The following VTI1A variants were observed in gnomAD, a reference collection of about 807,000 sequenced individuals.
VTI1A encodes vesicle transport through interaction with t-SNAREs homolog 1A.
Under a neutral mutation model 34.9 loss-of-function variants are expected in VTI1A, and 22 were observed. The observed-to-expected ratio is 0.63, with a 90% CI of 0.45 to 0.90. The LOEUF (loss-of-function observed/expected upper bound fraction) is 0.90. VTI1A is among the 40% of genes least tolerant of loss of function. VTI1A has a pLI of 0.00. For missense variants in VTI1A, 268 were observed against 275.6 expected, an observed-to-expected ratio of 0.97 and a Z score of 0.20; for synonymous variants, 87 against 97.3, an observed-to-expected ratio of 0.89 and a Z score of 0.62.
intron 7 of VTI1A, among the ~76,000 whole-genome samples, chr10:112,809,916 G>A (rs1171926459): frequency 6.6e-6 from 1 of 152,124 alleles, no homozygotes; most frequent in East Asian, 1.9e-4. Flanking sequence ...CCTCTTGGAA[G>A]AGGAGGGAAG....
At chr10:112,691,433 C>A (rs1160827993) in intron 7 of VTI1A, among the ~76,000 whole-genome samples, 1 of 152,066 alleles carries the variant, frequency 6.6e-6, no homozygotes, top group Non-Finnish European at 1.5e-5. Context: ...TTGGACAAAT[C>A]ACTTAATCTC....
chr10:112,837,180 T>G, the VTI1A span, among the ~76,000 whole-genome samples: 6 of 152,102 alleles, frequency 3.9e-5, no homozygotes, highest in African/African-American at 1.4e-4. Flanking sequence ...ATTAGCTGAG[T>G]GTGGTGTGTG....
At chr10:112,452,019 A>G (rs1847259242) in intron 1 of VTI1A, among the ~76,000 whole-genome samples, 1 of 152,252 alleles carries the variant, frequency 6.6e-6, no homozygotes, top group Non-Finnish European at 1.5e-5. Flanking sequence ...ACTTTAAAAA[A>G]TACTGCTACA....
chr10:112,846,653 C>G, the VTI1A span, among the ~76,000 whole-genome samples: 1 of 151,810 alleles, frequency 6.6e-6, no homozygotes, highest in African/African-American at 2.4e-5. Context: ...GTAGTCCCAG[C>G]TACTCAAGAG....
intron 7 of VTI1A, among the ~76,000 whole-genome samples, chr10:112,770,738 G>T (rs538050674): frequency 6.6e-6 from 1 of 151,890 alleles, no homozygotes; most frequent in Non-Finnish European, 1.5e-5. Context: ...AATTAATTCC[G>T]TAGTTAAATC....
intron 7 of VTI1A, among the ~76,000 whole-genome samples, chr10:112,792,136 G>A (rs1220088314): frequency 6.6e-6 from 1 of 152,110 alleles, no homozygotes; most frequent in African/African-American, 2.4e-5. Context: ...TTAGCTGGAT[G>A]TGGTGGTGTG....
At chr10:112,476,870 G>A (rs948335686) in intron 3 of VTI1A, among the ~76,000 whole-genome samples, 2 of 152,084 alleles carry the variant, frequency 1.3e-5, no homozygotes, top group Non-Finnish European at 2.9e-5. Context: ...TTTGTGAGAT[G>A]TGGAACAAAA....
intron 7 of VTI1A, among the ~76,000 whole-genome samples, chr10:112,768,353 C>G (rs1414980660): frequency 6.6e-6 from 1 of 152,194 alleles, no homozygotes; most frequent in African/African-American, 2.4e-5. Flanking sequence ...GCAGTTGTCT[C>G]TGGAAGAAAG....
intron 3 of VTI1A, among the ~76,000 whole-genome samples, chr10:112,521,480 G>A (rs1053551612): frequency 1.9e-4 from 29 of 151,992 alleles, no homozygotes; most frequent in African/African-American, 7.0e-4. Context: ...AACATGCTCT[G>A]GAGGTCATCA....
chr10:112,816,833 A>G lies in VTI1A; in HGVS notation c.*1450A>G, dbSNP rs763241479. 9.1e-5 allele frequency: 21 copies of G among 230,100 alleles called. No homozygotes were observed. Among genetic ancestry groups the G allele is most frequent in the Admixed American group, 2.8e-4 (5 of 17,662 alleles). The allele number at this position is 230,100 out of a possible 1,614,324, so 14.3% of individuals were successfully genotyped here. On this transcript the variant is annotated 3_prime_UTR_variant, in exon 8 of 8. Coordinates refer to ENST00000393077, the MANE Select transcript of VTI1A (RefSeq NM_145206.4). ...TGATATTTTTCCCAACTCAGAAGAA[A>G]ACCATTATGGTTTAGAGAGGAAATG... is the stretch of plus-strand genomic sequence containing the variant.
chr10:112,786,053 G>T (rs1332742800), intron 7 of VTI1A, among the ~76,000 whole-genome samples: 1 of 152,094 alleles, frequency 6.6e-6, no homozygotes, highest in Non-Finnish European at 1.5e-5. Context: ...ATTGCATTGA[G>T]TTGTCATCTT....
At chr10:112,541,780 A>C (rs754415034) in intron 5 of VTI1A, among the ~76,000 whole-genome samples, 2 of 152,230 alleles carry the variant, frequency 1.3e-5, no homozygotes, top group African/African-American at 2.4e-5. Flanking sequence ...GAGAAAAGGC[A>C]CATGATTATT....
intron 5 of VTI1A, among the ~76,000 whole-genome samples, chr10:112,578,228 G>T (rs1423473808): frequency 6.6e-6 from 1 of 152,156 alleles, no homozygotes; most frequent in Admixed American, 6.5e-5. Context: ...AGGGCTGTGA[G>T]AGCAGGAATG....
At chr10:112,741,108 G>A (rs1300192602) in intron 7 of VTI1A, among the ~76,000 whole-genome samples, 1 of 152,162 alleles carries the variant, frequency 6.6e-6, no homozygotes, top group Non-Finnish European at 1.5e-5. Flanking sequence ...AATCTATAGA[G>A]ACAAAAAGTA....
At chr10:112,514,382 C>T (rs937931776) in intron 3 of VTI1A, among the ~76,000 whole-genome samples, 1 of 151,498 alleles carries the variant, frequency 6.6e-6, no homozygotes. Context: ...CCTGAGTAGT[C>T]TCTCCTTTTT....
downstream of VTI1A, among the ~76,000 whole-genome samples, chr10:112,819,075 T>G (rs1205742863): frequency 6.6e-6 from 1 of 152,236 alleles, no homozygotes; most frequent in Admixed American, 6.5e-5. Context: ...TAAGTTGTAT[T>G]CAAATGCAGA....
chr10:112,719,611 A>T (rs1849727395), intron 7 of VTI1A, among the ~76,000 whole-genome samples: 2 of 151,416 alleles, frequency 1.3e-5, no homozygotes, highest in African/African-American at 4.9e-5. Flanking sequence ...CAATGGTGCG[A>T]TCTCGGCTCA....
At chr10:112,751,013 AGT>A (rs1851082708) in intron 7 of VTI1A, among the ~76,000 whole-genome samples, 1 of 152,166 alleles carries the variant, frequency 6.6e-6, no homozygotes, top group Non-Finnish European at 1.5e-5. Context: ...CCTATTTTTA[AGT>A]GTGAGTGTAT....
chr10:112,633,795 T>G (rs1351475761), intron 5 of VTI1A, among the ~76,000 whole-genome samples: 1 of 152,166 alleles, frequency 6.6e-6, no homozygotes, highest in Non-Finnish European at 1.5e-5. Context: ...CATAAGAGCT[T>G]ATACTTTGCA....
Sources: allele counts gnomAD v4.1 joint callset (sites outside exome capture counted in the v4.1 genomes callset), GRCh38; gene constraint gnomAD v4.1.1; transcripts MANE v1.5; gene names NCBI Gene and HGNC (gene_info 2026-07-23, HGNC 2026-07-21).